GALNTL5: variants seen among roughly 807,000 people sequenced by gnomAD.
GALNTL5 encodes the protein polypeptide N-acetylgalactosaminyltransferase like 5, also known as inactive polypeptide N-acetylgalactosaminyltransferase-like protein 5.
In GALNTL5, 44 loss-of-function variants were observed where a neutral mutation model predicts 51.0. The observed-to-expected ratio is 0.86, with a 90% confidence interval of 0.68 to 1.11. The LOEUF (loss-of-function observed/expected upper bound fraction) is 1.11, where lower values mean the gene tolerates loss of function less well. Among genes scored for constraint, GALNTL5 ranks in the 50% least tolerant of loss-of-function variants. The pLI, the probability that GALNTL5 is intolerant of heterozygous loss-of-function variation, is 0.00. For missense variants in GALNTL5, 528 were observed against 531.8 expected, an observed-to-expected ratio of 0.99 and a Z score of 0.07; for synonymous variants, 192 against 182.8, an observed-to-expected ratio of 1.05 and a Z score of -0.41.
At chr7:151,999,202 G>T (rs1485149361) in intron 5 of GALNTL5, among the ~76,000 whole-genome samples, 1 of 152,186 alleles carries the variant, frequency 6.6e-6, no homozygotes, top group Admixed American at 6.5e-5. Flanking sequence ...ATGTGTCAGT[G>T]CTTCCTTTTT....
intron 2 of GALNTL5, among the ~76,000 whole-genome samples, chr7:151,970,062 A>G (rs2081113368): frequency 1.3e-5 from 2 of 149,978 alleles, no homozygotes; most frequent in Non-Finnish European, 3.0e-5. Flanking sequence ...CACCCACCTC[A>G]GCCTCCCAAA....
Position 151,987,253 on chromosome 7 carries a change from A to G in GALNTL5, c.630A>G (p.Ala210=), listed in dbSNP as rs769265884. The G allele has an allele frequency of 1.9e-6, 3 of 1,588,824 alleles. No homozygotes were observed. The highest frequency in any genetic ancestry group is 2.4e-5 in the South Asian group (2 of 84,618). ...AAAAGAGAGAGGGGCTGATTCGAGC[A>G]AGGCTGATTGGAGCTTCTCATGCTT... is the stretch of plus-strand genomic sequence containing the variant. ...RNKKREGLIR[A]RLIGASHASG... is the part of the protein sequence containing the mutation. Residue 210 remains alanine, a synonymous_variant, in exon 5 of 9, where the codon GCA becomes GCG. Coordinates refer to ENST00000392800, the MANE Select transcript of GALNTL5 (RefSeq NM_145292.4).
chr7:152,010,064 A>T (rs2081709185), intron 7 of GALNTL5, among the ~76,000 whole-genome samples: 1 of 152,198 alleles, frequency 6.6e-6, no homozygotes, highest in African/African-American at 2.4e-5. Flanking sequence ...ACTGTTATGT[A>T]TGAAGCACTG....
intron 3 of GALNTL5, among the ~76,000 whole-genome samples, chr7:151,974,492 G>T (rs2081184186): frequency 6.6e-6 from 1 of 152,198 alleles, no homozygotes; most frequent in Non-Finnish European, 1.5e-5. Flanking sequence ...GGGCCACTTT[G>T]CCTTGTTGCA....
intron 6 of GALNTL5, among the ~76,000 whole-genome samples, chr7:152,007,145 A>G (rs1452260879): frequency 1.3e-5 from 2 of 152,104 alleles, no homozygotes; most frequent in Non-Finnish European, 2.9e-5. Context: ...TCTTAATATT[A>G]TGGTTTGTCC....
intron 1 of GALNTL5, among the ~76,000 whole-genome samples, chr7:151,958,727 C>G (rs890073512): frequency 6.6e-6 from 1 of 152,226 alleles, no homozygotes. Context: ...AGTGTTACAG[C>G]TCCTTTTGCA....
At chr7:152,015,587 T>C (rs2081801273) in intron 8 of GALNTL5, among the ~76,000 whole-genome samples, 1 of 151,906 alleles carries the variant, frequency 6.6e-6, no homozygotes, top group African/African-American at 2.4e-5. Context: ...CTCAATCTCT[T>C]GACCTCATGA....
At chr7:151,969,637 C>G (rs575623924) in intron 2 of GALNTL5, among the ~76,000 whole-genome samples, 2 of 152,030 alleles carry the variant, frequency 1.3e-5, no homozygotes, top group Non-Finnish European at 2.9e-5. Context: ...ACAGGGGCTT[C>G]AAGTATGTTC....
At chr7:152,012,720 A>C (rs182727800) in intron 7 of GALNTL5, among the ~76,000 whole-genome samples, 2 of 152,332 alleles carry the variant, frequency 1.3e-5, no homozygotes, top group African/African-American at 4.8e-5. Flanking sequence ...TAATCCGAGC[A>C]CTTTGGGAGG....
chr7:151,959,868 T>G (rs2080971037), intron 1 of GALNTL5, among the ~76,000 whole-genome samples: 1 of 152,098 alleles, frequency 6.6e-6, no homozygotes. Flanking sequence ...CAGTGGGCCA[T>G]TTCTGTAGGC....
chr7:151,959,155 T>C (rs1255183612), intron 1 of GALNTL5, among the ~76,000 whole-genome samples: 1 of 152,204 alleles, frequency 6.6e-6, no homozygotes, highest in East Asian at 1.9e-4. Context: ...TAGGAATTTG[T>C]CTGTCTCCTG....
At chr7:151,991,239 C>G (rs187468116) in intron 5 of GALNTL5, among the ~76,000 whole-genome samples, 4 of 152,036 alleles carry the variant, frequency 2.6e-5, no homozygotes, top group Non-Finnish European at 5.9e-5. Flanking sequence ...ATTACAAGCA[C>G]CCACCACCAC....
At position 151,967,370 on chromosome 7, in the gene GALNTL5, C is replaced by G. The variant is rs1225252441; in HGVS notation, c.124C>G (p.Pro42Ala). The G allele has an allele frequency of 2.5e-6, 4 of 1,614,088 alleles. No individual in the cohort carries two copies. The East Asian group carries it at 8.9e-5, about 36-fold the overall frequency. ...VSSWQKKSQE[P>A]LSAWSPGKKV... Reference sequence around the variant, plus strand: ...CAGCTGGCAGAAGAAAAGCCAGGAGCCTCTGTCAGCTTGGTCCCCTGGAAA... The same window carrying G: ...CAGCTGGCAGAAGAAAAGCCAGGAGGCTCTGTCAGCTTGGTCCCCTGGAAA... Residue 42 changes from proline to alanine, a missense_variant, in exon 2 of 9, where the codon CCT becomes GCT. Pro to Ala is a conservative substitution (Grantham distance 27). Transcript: ENST00000392800.
intron 1 of GALNTL5, among the ~76,000 whole-genome samples, chr7:151,963,770 C>G (rs374798782): frequency 6.6e-6 from 1 of 152,218 alleles, no homozygotes; most frequent in South Asian, 2.1e-4. Context: ...TCTCAATGCT[C>G]CTTTTTGATA....
chr7:151,993,214 A>G (rs1239641818), intron 5 of GALNTL5, among the ~76,000 whole-genome samples: 4 of 151,650 alleles, frequency 2.6e-5, no homozygotes, highest in Non-Finnish European at 5.9e-5. Context: ...AGCCTGGGCA[A>G]CAGAGTGAGA....
chr7:152,015,626 G>A (rs564342715), intron 8 of GALNTL5, among the ~76,000 whole-genome samples: 35 of 151,920 alleles, frequency 2.3e-4, no homozygotes, highest in African/African-American at 8.4e-4. Flanking sequence ...CCAAAGTGCT[G>A]GGATTTATAA....
At chr7:151,959,171 A>G (rs1041278795) in intron 1 of GALNTL5, among the ~76,000 whole-genome samples, 4 of 151,966 alleles carry the variant, frequency 2.6e-5, no homozygotes, top group Admixed American at 2.0e-4. Flanking sequence ...TCCTGTTGCT[A>G]TCACTATCAT....
chr7:151,979,106 C>CCTTTTTTTTTTTTTTTTTTTTT lies in GALNTL5; in HGVS notation c.369-3880_369-3879insCTTTTTTTTTTTTTTTTTTTTT, dbSNP rs1554405638. Among the ~76,000 whole-genome samples the CCTTTTTTTTTTTTTTTTTTTTT allele has an allele frequency of 4.2e-5, 3 of 71,164 alleles. 1 individual carries two copies. The highest frequency in any genetic ancestry group is 9.1e-5 in the Non-Finnish European group (3 of 33,054). The allele number at this position is 71,164 out of a possible 152,430, so 46.7% of individuals were successfully genotyped here. ...AAAGGCCATCCAAATTACTTTTACT[C>CCTTTTTTTTTTTTTTTTTTTTT]TTTTTTTTTTTTTTTTTTTTGGAGA... On this transcript the variant is annotated intron_variant, in intron 3 of 8. Coordinates refer to ENST00000392800, the MANE Select transcript of GALNTL5 (RefSeq NM_145292.4).
chr7:151,977,867 T>C (rs2081227127), intron 3 of GALNTL5, among the ~76,000 whole-genome samples: 1 of 152,198 alleles, frequency 6.6e-6, no homozygotes. Flanking sequence ...GTGTATCTTA[T>C]TTCCCTAATT....
Sources: gnomAD v4.1 joint callset for allele counts (sites outside exome capture counted in the v4.1 genomes callset) on GRCh38, gnomAD v4.1.1 for gene constraint, MANE v1.5 for transcripts, NCBI Gene and HGNC (gene_info 2026-07-23, HGNC 2026-07-21) for gene names.